Variants in PTER observed in about 807,000 individuals in gnomAD.
PTER encodes phosphotriesterase related.
In PTER, 38 loss-of-function variants were observed where a neutral mutation model predicts 29.6. The ratio of observed to expected loss-of-function variants is 1.28; its 90% CI spans 0.99 to 1.68. The LOEUF (loss-of-function observed/expected upper bound fraction) is 1.68. Among genes scored for constraint, PTER ranks in the 40% most tolerant of loss-of-function variants. The pLI is 0.00. For missense variants in PTER, 482 were observed against 427.8 expected (o/e 1.13, Z -1.12); for synonymous variants, 172 against 154.5 (o/e 1.11, Z -0.84).
intron 1 of PTER, among the ~76,000 whole-genome samples, chr10:16,479,008 T>G (rs7905643): frequency 0.61 from 92,503 of 151,768 alleles, 29,111 homozygotes; most frequent in East Asian, 0.78. Flanking sequence ...CTTCCTGGGT[T>G]CGTCACTGCC....
At position 16,486,533 on chromosome 10, in the gene PTER, G is replaced by A. The variant is rs1588617547; in HGVS notation, c.614G>A (p.Ser205Asn). Residue 205 changes from serine to asparagine, a missense_variant, in exon 3 of 5, where the codon AGC (serine) becomes AAC (asparagine). Coordinates refer to ENST00000535784, the MANE Select transcript of PTER (RefSeq NM_001261836.2). The stretch of plus-strand genomic sequence containing the variant: ...CCTGTTATTATCCATCCTGGACGGA[G>A]CTCCAGGGCACCATTTCAGATTATC... ...GCPVIIHPGR[S>N]SRAPFQIIRI... is the part of the protein sequence containing the mutation. The A allele has an allele frequency of 6.2e-7, 1 of 1,613,892 alleles. No homozygotes were observed. Among genetic ancestry groups the A allele is most frequent in the African/African-American group, 1.3e-5 (1 of 74,906 alleles).
intron 1 of PTER, among the ~76,000 whole-genome samples, chr10:16,469,532 T>G (rs1344075462): frequency 1.3e-5 from 2 of 152,124 alleles, no homozygotes; most frequent in Non-Finnish European, 2.9e-5. Flanking sequence ...AAAGAGCTAT[T>G]AAAGTGGTGG....
rs1003339233 is a variant in PTER, at chr10:16,513,740, A to C, written c.*2484A>C. On this transcript the variant is annotated 3_prime_UTR_variant, in exon 5 of 5. Transcript: ENST00000535784. ...AAGAATAAATTTCTCTGACTTTCCC[A>C]GTGAATCTAAATGTATTCAGTTGAC... The C allele has an allele frequency of 6.6e-6, 1 of 152,572 alleles. No homozygotes were observed. Among genetic ancestry groups the C allele is most frequent in the African/African-American group, 2.4e-5 (1 of 41,446 alleles). 9.5% of individuals were successfully genotyped at this position (152,572 alleles called of 1,614,324 possible). A position where few individuals can be genotyped will look rare whatever the true frequency, so the allele number is the denominator to read the frequency against.
At chr10:16,438,542 C>T (rs1833737223) in intron 1 of PTER, among the ~76,000 whole-genome samples, 2 of 150,550 alleles carry the variant, frequency 1.3e-5, no homozygotes. Flanking sequence ...CTCCTGGGCT[C>T]AAATGATCTG....
chr10:16,495,168 CTTTTTTTTT>C (rs3047217), intron 3 of PTER, among the ~76,000 whole-genome samples: 2 of 132,204 alleles, frequency 1.5e-5, no homozygotes. Context: ...TTTGGAATTA[CTTTTTTTTT>C]TTTTTTTTTT....
chr10:16,470,851 AC>A (rs1400998296), intron 1 of PTER, among the ~76,000 whole-genome samples: 1 of 152,134 alleles, frequency 6.6e-6, no homozygotes, highest in Non-Finnish European at 1.5e-5. Flanking sequence ...GTTTATCTTT[AC>A]TTACAATTTA....
At chr10:16,502,741 G>T (rs1478543658) in intron 3 of PTER, among the ~76,000 whole-genome samples, 1 of 151,906 alleles carries the variant, frequency 6.6e-6, no homozygotes, top group Non-Finnish European at 1.5e-5. Flanking sequence ...GTAATCCCAG[G>T]ACTTTGGGAG....
chr10:16,509,193 C>A (rs1422793110), intron 4 of PTER, among the ~76,000 whole-genome samples: 1 of 152,140 alleles, frequency 6.6e-6, no homozygotes, highest in Admixed American at 6.5e-5. Context: ...CATATAATGG[C>A]ACAACAGGAG....
intron 3 of PTER, among the ~76,000 whole-genome samples, chr10:16,500,934 T>G: frequency 6.6e-6 from 1 of 151,942 alleles, no homozygotes; most frequent in South Asian, 2.1e-4. Context: ...ATTTTATTTT[T>G]TTATTTTTGT....
chr10:16,457,604 G>GT (rs980001942), intron 1 of PTER, among the ~76,000 whole-genome samples: 5 of 149,772 alleles, frequency 3.3e-5, no homozygotes, highest in African/African-American at 1.2e-4. Flanking sequence ...AAAGTACTTT[G>GT]TTTTTGTTTT....
At chr10:16,496,138 T>C (rs895958039) in intron 3 of PTER, among the ~76,000 whole-genome samples, 2 of 152,218 alleles carry the variant, frequency 1.3e-5, no homozygotes, top group Admixed American at 6.5e-5. Context: ...TCCTCTGGTG[T>C]TCTCTGAATT....
chr10:16,444,608 G>A (rs991186156), intron 1 of PTER, among the ~76,000 whole-genome samples: 9 of 150,872 alleles, frequency 6.0e-5, no homozygotes, highest in Non-Finnish European at 8.9e-5. Flanking sequence ...GCCCAGGTTC[G>A]TCTCCAACTC....
At chr10:16,451,187 C>T (rs1435746887) in intron 1 of PTER, among the ~76,000 whole-genome samples, 1 of 135,020 alleles carries the variant, frequency 7.4e-6, no homozygotes, top group Non-Finnish European at 1.5e-5. Context: ...CCAGAAGGCT[C>T]AGCAAGCCTG....
chr10:16,478,585 C>T (rs990317575), intron 1 of PTER, among the ~76,000 whole-genome samples: 2 of 151,890 alleles, frequency 1.3e-5, no homozygotes, highest in African/African-American at 4.8e-5. Flanking sequence ...TTGCCTGCCT[C>T]AGCCTCCCAA....
At chr10:16,476,901 C>CT (rs1010674988) in intron 1 of PTER, among the ~76,000 whole-genome samples, 2,071 of 100,354 alleles carry the variant, frequency 0.021, 53 homozygotes, top group African/African-American at 0.025. Context: ...TCCTAGAATT[C>CT]TTTTTTTTTT....
chr10:16,504,909 C>G (rs1836498927), intron 3 of PTER, 111 bp from the exon 4 acceptor site: 2 of 1,243,140 alleles, frequency 1.6e-6, no homozygotes, highest in Admixed American at 4.4e-5. Flanking sequence ...GTCTGTTACT[C>G]GACTTCAACT....
chr10:16,501,373 A>ACACG (rs1564408702), intron 3 of PTER, among the ~76,000 whole-genome samples: 15 of 143,836 alleles, frequency 1.0e-4, no homozygotes, highest in African/African-American at 3.7e-4. Context: ...ACACACATGC[A>ACACG]CACACACACA....
chr10:16,497,707 C>G (rs934530608), intron 3 of PTER, among the ~76,000 whole-genome samples: 1 of 152,166 alleles, frequency 6.6e-6, no homozygotes, highest in Admixed American at 6.5e-5. Flanking sequence ...GCCCACAGAC[C>G]CTTGTCTAAA....
chr10:16,455,198 C>A (rs1207783479), intron 1 of PTER, among the ~76,000 whole-genome samples: 1 of 151,844 alleles, frequency 6.6e-6, no homozygotes, highest in East Asian at 1.9e-4. Context: ...CACTTTACTC[C>A]AGTCTGGATG....
Sources: gnomAD v4.1 joint callset for allele counts (sites outside exome capture counted in the v4.1 genomes callset) on GRCh38, gnomAD v4.1.1 for gene constraint, MANE v1.5 for transcripts, NCBI Gene and HGNC (gene_info 2026-07-23, HGNC 2026-07-21) for gene names.